DENND1A: variants seen among roughly 807,000 people sequenced by gnomAD.
DENND1A encodes the protein DENN domain containing 1A, also known as DENN domain-containing protein 1A.
A neutral mutation model predicts 113.7 loss-of-function variants in DENND1A; 51 were observed. The ratio of observed to expected loss-of-function variants is 0.45; its 90% CI spans 0.36 to 0.57. DENND1A has a LOEUF of 0.57. Ranked by LOEUF, DENND1A falls within the 20% of genes least tolerant of loss-of-function variation. The pLI is 0.00. For missense variants in DENND1A, 1,258 were observed against 1,395.9 expected, an observed-to-expected ratio of 0.90 and a Z score of 1.57; for synonymous variants, 565 against 570.8, an observed-to-expected ratio of 0.99 and a Z score of 0.14.
chr9:123,647,034 T>C (rs558052390), intron 9 of DENND1A, among the ~76,000 whole-genome samples: 1 of 152,268 alleles, frequency 6.6e-6, no homozygotes, highest in South Asian at 2.1e-4. Context: ...TGTCTTCTGG[T>C]TTCCAGAACT....
chr9:123,525,884 A>C (rs1361172254), intron 13 of DENND1A, among the ~76,000 whole-genome samples: 1 of 150,480 alleles, frequency 6.6e-6, no homozygotes, highest in Non-Finnish European at 1.5e-5. Flanking sequence ...TCAGCCCCTT[A>C]GTCACTGGGA....
intron 10 of DENND1A, among the ~76,000 whole-genome samples, chr9:123,615,481 T>C (rs939144814): frequency 2.0e-5 from 3 of 152,212 alleles, no homozygotes; most frequent in Non-Finnish European, 4.4e-5. Flanking sequence ...TGACAAGACC[T>C]AGGAGCTTCT....
At chr9:123,821,330 T>A (rs781437029) in intron 2 of DENND1A, among the ~76,000 whole-genome samples, 1 of 152,200 alleles carries the variant, frequency 6.6e-6, no homozygotes, top group African/African-American at 2.4e-5. Context: ...TTACATTTTT[T>A]ATTTTCTAAA....
chr9:123,808,409 C>T (rs1260780415), intron 2 of DENND1A, among the ~76,000 whole-genome samples: 2 of 146,754 alleles, frequency 1.4e-5, no homozygotes, highest in Admixed American at 6.9e-5. Flanking sequence ...TTAAGACAGT[C>T]TCACTCTGTC....
chr9:123,766,647 A>T (rs1381104664), intron 4 of DENND1A, among the ~76,000 whole-genome samples: 5 of 152,238 alleles, frequency 3.3e-5, no homozygotes, highest in African/African-American at 9.6e-5. Context: ...GGTTGTGCTC[A>T]GAGAACCTTG....
chr9:123,829,131 A>C (rs1195187859), intron 2 of DENND1A, among the ~76,000 whole-genome samples: 1 of 152,194 alleles, frequency 6.6e-6, no homozygotes, highest in East Asian at 1.9e-4. Flanking sequence ...AGAAAAACTA[A>C]TTTCACATAT....
chr9:123,537,187 T>C (rs1274679699), intron 13 of DENND1A, among the ~76,000 whole-genome samples: 4 of 151,728 alleles, frequency 2.6e-5, no homozygotes, highest in East Asian at 1.9e-4. Flanking sequence ...AATGAGGGGA[T>C]AGAACTCAGG....
chr9:123,640,700 C>T lies in DENND1A; in HGVS notation c.619-10224G>A, dbSNP rs116736423. Among the ~76,000 whole-genome samples, 215 of 152,350 alleles carry T rather than the reference C, an allele frequency of 1.4e-3. 1 individual carries two copies. Among genetic ancestry groups the T allele is most frequent in the African/African-American group, 4.9e-3 (205 of 41,586 alleles). Reference sequence around the variant, plus strand: ...AGTGAATAGTGCGCCCAGTGCTGGGCTCTGTGCTTTCATATCTGGATGGTC... The same window carrying T: ...AGTGAATAGTGCGCCCAGTGCTGGGTTCTGTGCTTTCATATCTGGATGGTC... On this transcript the variant is annotated intron_variant, in intron 9 of 23. Transcript: ENST00000394215.
chr9:123,397,541 C>T (rs916428613), intron 21 of DENND1A, among the ~76,000 whole-genome samples: 15 of 152,330 alleles, frequency 9.8e-5, no homozygotes, highest in Non-Finnish European at 1.5e-4. Context: ...AATAGTTAGG[C>T]AGACCATGAG....
intron 5 of DENND1A, among the ~76,000 whole-genome samples, chr9:123,713,707 TAG>T (rs1419584483): frequency 1.3e-5 from 2 of 151,154 alleles, no homozygotes; most frequent in Non-Finnish European, 3.0e-5. Flanking sequence ...AAAAAAAAAC[TAG>T]ACTCTCCTGA....
Position 123,452,351 on chromosome 9 carries a change from T to C in DENND1A, c.1228-4A>G, listed in dbSNP as rs199778961. ...TCAGAATTGCTCCACTTCCTTTCTATAATAAAAATGTCAATTAGCAATTTG... is the reference window on the plus strand; with the variant it reads ...TCAGAATTGCTCCACTTCCTTTCTACAATAAAAATGTCAATTAGCAATTTG... On this transcript the variant is annotated splice_polypyrimidine_tract_variant and splice_region_variant and intron_variant, in intron 16 of 23. Coordinates refer to ENST00000394215, the MANE Select transcript of DENND1A (RefSeq NM_001352964.2). 134 of 1,613,996 alleles carry C rather than the reference T, an allele frequency of 8.3e-5. 1 individual carries two copies. The East Asian group carries it at 2.8e-3, about 34-fold the overall frequency.
At chr9:123,484,665 G>A (rs1282908438) in intron 13 of DENND1A, among the ~76,000 whole-genome samples, 2 of 152,188 alleles carry the variant, frequency 1.3e-5, no homozygotes, top group Non-Finnish European at 2.9e-5. Flanking sequence ...GCAGGTCTAC[G>A]AATGCACAAG....
At chr9:123,908,891 C>A (rs979938539) in intron 1 of DENND1A, among the ~76,000 whole-genome samples, 11 of 152,094 alleles carry the variant, frequency 7.2e-5, no homozygotes, top group African/African-American at 2.2e-4. Context: ...ATAAAGACAC[C>A]TGCACACGTA....
At chr9:123,920,606 C>A (rs913547642) in intron 1 of DENND1A, among the ~76,000 whole-genome samples, 2 of 152,160 alleles carry the variant, frequency 1.3e-5, no homozygotes, top group Non-Finnish European at 2.9e-5. Context: ...GTTGCCCAAG[C>A]TAGAGTACAG....
chr9:123,928,437 A>C (rs1294937842), intron 1 of DENND1A, among the ~76,000 whole-genome samples: 3 of 152,218 alleles, frequency 2.0e-5, no homozygotes, highest in Admixed American at 1.3e-4. Context: ...CAGGAGCTAA[A>C]CTTGAGTGCC....
chr9:123,489,428 A>C (rs1393750035), intron 13 of DENND1A, among the ~76,000 whole-genome samples: 1 of 152,210 alleles, frequency 6.6e-6, no homozygotes, highest in Non-Finnish European at 1.5e-5. Flanking sequence ...CGGCAAGAGC[A>C]ATGAGAAATG....
chr9:123,382,962 G>A (rs577603755), intron 23 of DENND1A, among the ~76,000 whole-genome samples: 2 of 152,272 alleles, frequency 1.3e-5, no homozygotes, highest in Non-Finnish European at 2.9e-5. Context: ...TGTAAGCCCG[G>A]GGGCGCGAGT....
Position 123,457,775 on chromosome 9 carries a change from G to T in DENND1A, c.1098+18C>A. 1 of 1,596,798 alleles carries T rather than the reference G, an allele frequency of 6.3e-7. No homozygotes were observed. Among genetic ancestry groups the T allele is most frequent in the South Asian group, 1.1e-5 (1 of 88,150 alleles). ...CCGCCAGGGAGCCAGACCCAGGCCA[G>T]ACCAGGGAGGGAGGCACCTGCTTGA... On this transcript the variant is annotated intron_variant, in intron 14 of 23. Transcript: ENST00000394215.
intron 13 of DENND1A, among the ~76,000 whole-genome samples, chr9:123,531,554 TACACACAC>T (rs57819030): frequency 9.7e-4 from 100 of 103,188 alleles, no homozygotes; most frequent in African/African-American, 2.8e-3. Context: ...CCTCTCTCTC[TACACACAC>T]ACACACACAC....
Sources: gnomAD v4.1 joint callset for allele counts (sites outside exome capture counted in the v4.1 genomes callset) on GRCh38, gnomAD v4.1.1 for gene constraint, MANE v1.5 for transcripts, NCBI Gene and HGNC (gene_info 2026-07-23, HGNC 2026-07-21) for gene names.